The following AAMDC variants were observed in gnomAD, a reference collection of about 807,000 sequenced individuals.
AAMDC encodes adipogenesis associated Mth938 domain containing, also known as mth938 domain-containing protein.
Under a neutral mutation model 15.5 loss-of-function variants are expected in AAMDC, and 16 were observed. That is an observed-to-expected ratio of 1.03 (90% CI 0.70 to 1.57). The LOEUF (loss-of-function observed/expected upper bound fraction) is 1.57, where lower values mean the gene tolerates loss of function less well. Ranked by LOEUF, AAMDC falls within the 40% of genes most tolerant of loss-of-function variation. The pLI is 0.00. For missense variants in AAMDC, 141 were observed against 144.9 expected (o/e 0.97, Z 0.14); for synonymous variants, 51 against 51.6 (o/e 0.99, Z 0.05).
At chr11:77,825,872 TG>T (rs1949146615) in intron 1 of AAMDC, among the ~76,000 whole-genome samples, 1 of 151,998 alleles carries the variant, frequency 6.6e-6, no homozygotes, top group Non-Finnish European at 1.5e-5. Context: ...TTGTATTTTT[TG>T]TAGAGATGGG....
chr11:77,826,723 G>A (rs1949193803), intron 1 of AAMDC, among the ~76,000 whole-genome samples: 1 of 152,164 alleles, frequency 6.6e-6, no homozygotes, highest in Non-Finnish European at 1.5e-5. Context: ...TAATCTCAAT[G>A]AAATGAACAC....
Position 77,849,520 on chromosome 11 carries a change from G to A in AAMDC, c.132+6892G>A, listed in dbSNP as rs572852715. Among the ~76,000 whole-genome samples, 5 of 152,190 alleles carry A rather than the reference G, an allele frequency of 3.3e-5. No homozygotes were observed. The East Asian group carries it at 5.8e-4, about 18-fold the overall frequency. On this transcript the variant is annotated intron_variant, in intron 2 of 3. Coordinates refer to ENST00000393427, the MANE Select transcript of AAMDC (RefSeq NM_024684.4). ...ATTATTGGCGTGAGCCACTGCACCC[G>A]GCCTAATTTTTTAATATTTTGTAGA...
At chr11:77,842,651 A>C (rs199637564) in intron 2 of AAMDC, 23 bp downstream of exon 2, 26 of 1,612,214 alleles carry the variant, frequency 1.6e-5, no homozygotes, top group Middle Eastern at 1.6e-4. Flanking sequence ...TCTTTGGTTG[A>C]TACTACATGA....
chr11:77,883,820 C>T (rs1357387243), intron 5 of AAMDC: 1 of 1,612,420 alleles, frequency 6.2e-7, no homozygotes, highest in Non-Finnish European at 8.5e-7. Flanking sequence ...CACCCTGGTC[C>T]TGACTCCTTA....
At chr11:77,869,035 G>T in intron 2 of AAMDC, 1 of 342,180 alleles carries the variant, frequency 2.9e-6, no homozygotes. Flanking sequence ...ACATTTGTGG[G>T]ACATTCCTTT....
chr11:77,878,656 A>G (rs1951674065), intron 5 of AAMDC: 1 of 646,968 alleles, frequency 1.5e-6, no homozygotes, highest in Non-Finnish European at 2.7e-6. Context: ...GCATGTAAGC[A>G]CGTAGTATAA....
chr11:77,872,630 C>T (rs1476037012), downstream of AAMDC, among the ~76,000 whole-genome samples: 4 of 152,166 alleles, frequency 2.6e-5, no homozygotes, highest in Non-Finnish European at 5.9e-5. Flanking sequence ...AGACTGGAGC[C>T]AGATTGTTCT....
downstream of AAMDC, chr11:77,900,832 T>G (rs1019760539): frequency 3.5e-6 from 2 of 568,742 alleles, no homozygotes; most frequent in African/African-American, 3.8e-5. Context: ...ACTGAGCTCT[T>G]ATTACGTATC....
intron 1 of AAMDC, among the ~76,000 whole-genome samples, chr11:77,829,230 G>A (rs1454585495): frequency 6.6e-6 from 1 of 152,204 alleles, no homozygotes; most frequent in East Asian, 1.9e-4. Flanking sequence ...GAGAGGCCAT[G>A]TGAAGACACA....
At chr11:77,844,961 AATG>A (rs941675116) in intron 2 of AAMDC, among the ~76,000 whole-genome samples, 7 of 152,234 alleles carry the variant, frequency 4.6e-5, no homozygotes, top group Middle Eastern at 6.8e-3. Flanking sequence ...ATTGGTTTCT[AATG>A]ATAAATCAAC....
At chr11:77,882,628 C>T (rs1386984141) in intron 5 of AAMDC, among the ~76,000 whole-genome samples, 2 of 152,190 alleles carry the variant, frequency 1.3e-5, no homozygotes, top group Non-Finnish European at 2.9e-5. Flanking sequence ...ATGAGGAATA[C>T]TCAGGGAAGC....
intron 3 of AAMDC, among the ~76,000 whole-genome samples, chr11:77,905,927 TG>T (rs1470411491): frequency 6.6e-6 from 1 of 152,216 alleles, no homozygotes; most frequent in Non-Finnish European, 1.5e-5. Context: ...CTTGCAAAAA[TG>T]TATGTTGTTA....
chr11:77,882,495 GC>G (rs1951832296), intron 5 of AAMDC, among the ~76,000 whole-genome samples: 3 of 152,174 alleles, frequency 2.0e-5, no homozygotes, highest in African/African-American at 7.2e-5. Flanking sequence ...CTGTCCCACA[GC>G]ATTTCCTTCC....
chr11:77,883,958 G>A, intron 5 of AAMDC: 5 of 1,612,012 alleles, frequency 3.1e-6, no homozygotes, highest in Non-Finnish European at 4.2e-6. Context: ...AAGACCTAAA[G>A]GGTGACAGAA....
At chr11:77,890,545 T>A (rs1216028973) in intron 5 of AAMDC, among the ~76,000 whole-genome samples, 1 of 151,428 alleles carries the variant, frequency 6.6e-6, no homozygotes, top group African/African-American at 2.4e-5. Context: ...TTTGAAAGGG[T>A]TTTTTAGGAG....
At chr11:77,882,480 C>T (rs1259133689) in intron 5 of AAMDC, among the ~76,000 whole-genome samples, 2 of 152,156 alleles carry the variant, frequency 1.3e-5, no homozygotes, top group Non-Finnish European at 2.9e-5. Context: ...CCTCCCAAAA[C>T]AATACTGTCC....
At chr11:77,842,387 T>C (rs906607429) in intron 1 of AAMDC, 92 bp from the exon 2 acceptor site, 6 of 1,205,266 alleles carry the variant, frequency 5.0e-6, no homozygotes, top group Non-Finnish European at 6.9e-6. Flanking sequence ...GCTTCTTAAA[T>C]CATGGAGAAT....
At chr11:77,825,927 G>A (rs947596229) in intron 1 of AAMDC, among the ~76,000 whole-genome samples, 1 of 151,882 alleles carries the variant, frequency 6.6e-6, no homozygotes, top group African/African-American at 2.4e-5. Flanking sequence ...CCTGACCTCA[G>A]ATGATCTGCT....
downstream of AAMDC, among the ~76,000 whole-genome samples, chr11:77,905,456 C>T (rs113864270): frequency 4.3e-3 from 646 of 149,062 alleles, 3 homozygotes; most frequent in African/African-American, 0.015. Context: ...GAGACTCTGT[C>T]TCAAAAAAAA....
Sources: gnomAD v4.1 joint callset for allele counts (sites outside exome capture counted in the v4.1 genomes callset) on GRCh38, gnomAD v4.1.1 for gene constraint, MANE v1.5 for transcripts, NCBI Gene and HGNC (gene_info 2026-07-23, HGNC 2026-07-21) for gene names.